Variants in CEP135 observed in about 807,000 individuals in gnomAD.
The protein encoded by CEP135 is centrosomal protein 135, also known as centrosomal protein of 135 kDa.
In CEP135, 142 loss-of-function variants were observed where a neutral mutation model predicts 157.3. The ratio of observed to expected loss-of-function variants is 0.90; its 90% confidence interval spans 0.79 to 1.04. The LOEUF (loss-of-function observed/expected upper bound fraction) is 1.04, where lower values mean the gene tolerates loss of function less well. Ranked by LOEUF, CEP135 falls within the 50% of genes least tolerant of loss-of-function variation. The probability of loss-of-function intolerance (pLI) is 0.00; values close to 1 mark genes in which losing one functional copy is unlikely to be tolerated. For synonymous variants in CEP135, 396 were observed against 439.8 expected (o/e 0.90, Z 1.25); for missense variants, 1,317 against 1,309.2 (o/e 1.01, Z -0.09).
intron 17 of CEP135, among the ~76,000 whole-genome samples, chr4:56,003,364 CCTGT>C (rs929194955): frequency 2.0e-4 from 31 of 152,066 alleles, no homozygotes; most frequent in Non-Finnish European, 1.5e-5. Context: ...CACCACCACA[CCTGT>C]CTAATTTCTT....
intron 13 of CEP135, among the ~76,000 whole-genome samples, chr4:55,981,816 T>C (rs1729419946): frequency 6.6e-6 from 1 of 152,130 alleles, no homozygotes; most frequent in South Asian, 2.1e-4. Context: ...TGACTTACAA[T>C]GGGATTACAT....
intron 11 of CEP135, 91 bp downstream of exon 11, chr4:55,975,060 C>T: frequency 1.1e-6 from 1 of 941,602 alleles, no homozygotes; most frequent in East Asian, 2.7e-5. Context: ...TTTATTCGTA[C>T]TTGCTTTGAA....
chr4:55,992,088 A>G lies in CEP135; in HGVS notation c.2009+3A>G. 5.7e-6 allele frequency: 9 copies of G among 1,587,142 alleles called. No individual in the cohort carries two copies. Among genetic ancestry groups the G allele is most frequent in the Non-Finnish European group, 7.7e-6 (9 of 1,173,064 alleles). ...AAAACAGAGGTGAACTCACTTAGGT[A>G]AGTTTATTCAAAATTTTCTAATTTC... On this transcript the variant is annotated splice_donor_region_variant and intron_variant, in intron 15 of 25. Transcript: ENST00000257287.
At chr4:55,968,935 G>A in intron 8 of CEP135, 128 bp from the exon 9 acceptor site, 1 of 581,304 alleles carries the variant, frequency 1.7e-6, no homozygotes, top group Non-Finnish European at 2.9e-6. Context: ...AAATTGATAG[G>A]GATAAAGCCT....
At chr4:55,960,043 A>G in intron 6 of CEP135, 1 of 537,050 alleles carries the variant, frequency 1.9e-6, no homozygotes, top group Admixed American at 3.7e-5. Flanking sequence ...AATGGATTGA[A>G]GAGCACTTAT....
intron 2 of CEP135, 113 bp downstream of exon 2, chr4:55,952,356 A>G (rs1577860745): frequency 6.1e-6 from 4 of 654,292 alleles, no homozygotes; most frequent in East Asian, 2.8e-5. Flanking sequence ...AAGGCTTTCA[A>G]TCATGAAGCT....
intron 7 of CEP135, chr4:55,964,923 C>T (rs562155794): frequency 2.6e-5 from 4 of 151,830 alleles, no homozygotes; most frequent in Admixed American, 2.6e-4. Flanking sequence ...ATGCATTTGA[C>T]CTAAGGCTGA....
intron 4 of CEP135, among the ~76,000 whole-genome samples, chr4:55,956,767 C>G (rs996124356): frequency 6.6e-6 from 1 of 152,142 alleles, no homozygotes; most frequent in South Asian, 2.1e-4. Context: ...CCCGTTACCA[C>G]GCCCAGCTAA....
rs746097353 is a variant in CEP135, at chr4:55,980,344, A to T, written c.1626+49A>T. On this transcript the variant is annotated intron_variant, in intron 12 of 25. Coordinates refer to ENST00000257287, the MANE Select transcript of CEP135 (RefSeq NM_025009.5). ...CCAATAGATTGTATAGAACCAGTTA[A>T]CTATAATGGAGCCTGTATATATCTT... The T allele has an allele frequency of 2.5e-6, 3 of 1,195,120 alleles. No homozygotes were observed. The East Asian group carries it at 7.2e-5, about 29-fold the overall frequency. The allele number at this position is 1,195,120 out of a possible 1,614,324, so 74.0% of individuals were successfully genotyped here. A position where few individuals can be genotyped will look rare whatever the true frequency, so the allele number is the denominator to read the frequency against.
At chr4:55,961,226 AC>A (rs1247520285) in intron 6 of CEP135, among the ~76,000 whole-genome samples, 1 of 152,018 alleles carries the variant, frequency 6.6e-6, no homozygotes, top group Non-Finnish European at 1.5e-5. Flanking sequence ...TTTTATAATT[AC>A]ACTTTCATTT....
intron 13 of CEP135, among the ~76,000 whole-genome samples, chr4:55,983,337 G>A (rs1729473797): frequency 6.6e-6 from 1 of 152,160 alleles, no homozygotes; most frequent in African/African-American, 2.4e-5. Flanking sequence ...CTGGGTTGTA[G>A]GAGGCAGGAT....
chr4:55,999,691 T>C lies in CEP135; in HGVS notation c.2280+46T>C, dbSNP rs578168006. On this transcript the variant is annotated intron_variant, in intron 17 of 25. Coordinates refer to ENST00000257287, the MANE Select transcript of CEP135 (RefSeq NM_025009.5). ...ATTTTCCAGCATCCAAACAGAACAG[T>C]TTTTTTTGTTTTTGTTTTTGAGATG... 1.7e-5 allele frequency: 27 copies of C among 1,547,762 alleles called. No individual in the cohort carries two copies. In the Admixed American group the frequency reaches 5.5e-4, roughly 32 times the overall value.
chr4:55,970,390 T>A (rs960253779), intron 9 of CEP135, among the ~76,000 whole-genome samples: 7 of 152,196 alleles, frequency 4.6e-5, no homozygotes, highest in Non-Finnish European at 8.8e-5. Flanking sequence ...TTGAGGATTT[T>A]AAAAAAATAA....
chr4:55,980,081 A>G (rs781409635), intron 11 of CEP135, 62 bp from the exon 12 acceptor site: 8 of 1,319,508 alleles, frequency 6.1e-6, no homozygotes, highest in African/African-American at 3.0e-5. Flanking sequence ...CAATCTCATC[A>G]TCAGTATCCT....
chr4:56,017,943 T>A, intron 22 of CEP135, 86 bp downstream of exon 22: 3 of 1,095,012 alleles, frequency 2.7e-6, no homozygotes, highest in South Asian at 1.6e-5. Context: ...ACCATGCATA[T>A]ACTTGTTTCC....
chr4:55,949,040 A>T lies in CEP135; in HGVS notation c.-65A>T, dbSNP rs1728252560. On this transcript the variant is annotated 5_prime_UTR_variant, in exon 1 of 26. Transcript: ENST00000257287. The stretch of plus-strand genomic sequence containing the variant: ...GGGCAATGCGGCTGGAGGCGGAGGC[A>T]ACGGCGGCTGGAGCTGCCGGTGAGT... 1 of 153,548 alleles carries T rather than the reference A, an allele frequency of 6.5e-6. No homozygotes were observed. Among genetic ancestry groups the T allele is most frequent in the Non-Finnish European group, 1.4e-5 (1 of 69,174 alleles). The allele number at this position is 153,548 out of a possible 1,614,324, so 9.5% of individuals were successfully genotyped here.
At position 55,980,143 on chromosome 4, in the gene CEP135, G is replaced by T; in HGVS notation, c.1474G>T (p.Gly492Cys). 1 of 1,607,380 alleles carries T rather than the reference G, an allele frequency of 6.2e-7. No individual in the cohort carries two copies. The highest frequency in any genetic ancestry group is 8.5e-7 in the Non-Finnish European group (1 of 1,176,664). The change falls in exon 12 of 26, where the codon GGT (glycine) becomes TGT (cysteine). Residue 492 changes from glycine (G) to cysteine (C), a missense_variant and splice_region_variant. Transcript: ENST00000257287. ...KSSIFRTPEK[G>C]DYNSEIHQIT... ...ATTTTGTTTTTTAATTATGTTTCAGGGTGATTACAATTCAGAAATTCATCA... is the reference window on the plus strand; with the variant it reads ...ATTTTGTTTTTTAATTATGTTTCAGTGTGATTACAATTCAGAAATTCATCA...
At chr4:55,981,940 C>T (rs1729425239) in intron 13 of CEP135, among the ~76,000 whole-genome samples, 1 of 152,170 alleles carries the variant, frequency 6.6e-6, no homozygotes, top group Admixed American at 6.5e-5. Context: ...GTTGAGTCCA[C>T]AGGCTCCTCA....
chr4:56,010,327 A>G (rs968859338), intron 19 of CEP135, among the ~76,000 whole-genome samples: 2 of 145,742 alleles, frequency 1.4e-5, no homozygotes, highest in Admixed American at 7.2e-5. Flanking sequence ...GTGCCACTGC[A>G]CTCCAGCCTG....
Sources: allele counts gnomAD v4.1 joint callset (sites outside exome capture counted in the v4.1 genomes callset), GRCh38; gene constraint gnomAD v4.1.1; transcripts MANE v1.5; gene names NCBI Gene and HGNC (gene_info 2026-07-23, HGNC 2026-07-21).